Variants in SPOCK3 observed in about 807,000 individuals in gnomAD.
The protein encoded by SPOCK3 is SPARC (osteonectin), cwcv and kazal like domains proteoglycan 3, also known as testican-3.
Under a neutral mutation model 56.6 loss-of-function variants are expected in SPOCK3, and 30 were observed. The ratio of observed to expected loss-of-function variants is 0.53; its 90% CI spans 0.40 to 0.72. SPOCK3 has a LOEUF of 0.72. Ranked by LOEUF, SPOCK3 falls within the 30% of genes least tolerant of loss-of-function variation. The probability of loss-of-function intolerance (pLI) is 0.00; values close to 1 mark genes in which losing one functional copy is unlikely to be tolerated. For missense variants in SPOCK3, 527 were observed against 530.0 expected (o/e 0.99, Z 0.06); for synonymous variants, 196 against 183.3 (o/e 1.07, Z -0.56).
At chr4:167,194,177 T>G (rs922052028) in intron 2 of SPOCK3, among the ~76,000 whole-genome samples, 2 of 128,102 alleles carry the variant, frequency 1.6e-5, no homozygotes, top group Admixed American at 8.4e-5. Flanking sequence ...TTTGCATTAC[T>G]AAGGCAGGTT....
chr4:166,942,395 G>T (rs1741188598), intron 4 of SPOCK3, among the ~76,000 whole-genome samples: 1 of 150,212 alleles, frequency 6.7e-6, no homozygotes, highest in Non-Finnish European at 1.5e-5. Flanking sequence ...ATTTTTAGTA[G>T]AGACGGGGTT....
At chr4:166,895,260 C>T (rs554279401) in intron 5 of SPOCK3, among the ~76,000 whole-genome samples, 33 of 151,588 alleles carry the variant, frequency 2.2e-4, no homozygotes, top group African/African-American at 7.7e-4. Context: ...GTATATAATA[C>T]GAGATTTGCC....
chr4:167,122,427 G>T (rs1167666838), intron 2 of SPOCK3, among the ~76,000 whole-genome samples: 3 of 152,148 alleles, frequency 2.0e-5, no homozygotes, highest in Non-Finnish European at 4.4e-5. Context: ...ATTTTCAATT[G>T]TACATTTGTT....
chr4:167,025,978 A>G (rs1751664762), intron 3 of SPOCK3, among the ~76,000 whole-genome samples: 1 of 152,094 alleles, frequency 6.6e-6, no homozygotes, highest in African/African-American at 2.4e-5. Flanking sequence ...CTTGTAACAC[A>G]ATGGTAAGAA....
intron 6 of SPOCK3, among the ~76,000 whole-genome samples, chr4:166,825,585 A>G (rs1429900840): frequency 6.6e-6 from 1 of 152,104 alleles, no homozygotes; most frequent in East Asian, 1.9e-4. Flanking sequence ...ACACCTGCAC[A>G]TTCATGTTTA....
At chr4:166,750,167 T>C (rs972090878) in intron 8 of SPOCK3, among the ~76,000 whole-genome samples, 5 of 152,280 alleles carry the variant, frequency 3.3e-5, no homozygotes, top group South Asian at 2.1e-4. Context: ...TTTTAAACTA[T>C]TTTCTTATTA....
At chr4:167,205,152 T>TTA (rs560791073) in intron 2 of SPOCK3, among the ~76,000 whole-genome samples, 3,004 of 111,114 alleles carry the variant, frequency 0.027, 87 homozygotes, top group African/African-American at 0.037. Context: ...TATATATATT[T>TTA]TATATATATA....
intron 5 of SPOCK3, among the ~76,000 whole-genome samples, chr4:166,911,370 G>T (rs1053164557): frequency 2.0e-5 from 3 of 152,130 alleles, no homozygotes; most frequent in African/African-American, 7.2e-5. Context: ...TGATTCATAA[G>T]CAGGTATCCA....
At chr4:166,991,520 C>G (rs1376267574) in intron 4 of SPOCK3, among the ~76,000 whole-genome samples, 2 of 151,924 alleles carry the variant, frequency 1.3e-5, no homozygotes, top group African/African-American at 4.8e-5. Context: ...CAGGCATGCG[C>G]CACAACACCC....
At chr4:166,886,646 T>TA (rs1438235460) in intron 6 of SPOCK3, among the ~76,000 whole-genome samples, 1 of 152,174 alleles carries the variant, frequency 6.6e-6, no homozygotes, top group Non-Finnish European at 1.5e-5. Context: ...GATCTTAACA[T>TA]AGGAAAACAT....
chr4:167,216,938 C>T (rs1286802110), intron 2 of SPOCK3, among the ~76,000 whole-genome samples: 7 of 151,978 alleles, frequency 4.6e-5, no homozygotes, highest in Non-Finnish European at 1.0e-4. Flanking sequence ...ACACTCATAA[C>T]TGAATGACAA....
intron 2 of SPOCK3, among the ~76,000 whole-genome samples, chr4:167,165,551 G>A (rs1765686083): frequency 1.3e-5 from 2 of 151,994 alleles, no homozygotes; most frequent in South Asian, 4.1e-4. Context: ...TAAAAGTCAG[G>A]ATCACCAATT....
chr4:166,945,884 A>C (rs183334184), intron 4 of SPOCK3, among the ~76,000 whole-genome samples: 28 of 152,250 alleles, frequency 1.8e-4, no homozygotes, highest in Admixed American at 5.9e-4. Flanking sequence ...TCTCCACCTG[A>C]GGTGAAAACC....
At chr4:167,147,856 G>A (rs1764100281) in intron 2 of SPOCK3, among the ~76,000 whole-genome samples, 1 of 152,092 alleles carries the variant, frequency 6.6e-6, no homozygotes, top group Non-Finnish European at 1.5e-5. Context: ...AATATCTAAT[G>A]TAGGTGACGG....
chr4:166,837,781 T>A (rs1252728175), intron 6 of SPOCK3, among the ~76,000 whole-genome samples: 4 of 152,210 alleles, frequency 2.6e-5, no homozygotes, highest in Admixed American at 2.6e-4. Flanking sequence ...TCCTTTCTGA[T>A]GTTTCAATAT....
intron 6 of SPOCK3, among the ~76,000 whole-genome samples, chr4:166,856,638 G>T (rs1413045326): frequency 2.6e-5 from 4 of 151,966 alleles, no homozygotes; most frequent in Non-Finnish European, 5.9e-5. Flanking sequence ...GCAGGGTGTG[G>T]TGACATGTGC....
intron 2 of SPOCK3, among the ~76,000 whole-genome samples, chr4:167,128,658 A>G (rs1244519103): frequency 6.6e-6 from 1 of 152,248 alleles, no homozygotes; most frequent in Non-Finnish European, 1.5e-5. Context: ...GATGAGCTAA[A>G]CAAAAGGTCT....
chr4:166,820,943 T>C (rs544146330), intron 6 of SPOCK3, among the ~76,000 whole-genome samples: 17 of 152,074 alleles, frequency 1.1e-4, no homozygotes, highest in Middle Eastern at 3.4e-3. Context: ...AAATGAAAAA[T>C]TGACATACCT....
intron 6 of SPOCK3, among the ~76,000 whole-genome samples, chr4:166,850,684 C>T (rs367772181): frequency 9.8e-5 from 15 of 152,332 alleles, no homozygotes; most frequent in African/African-American, 2.4e-4. Context: ...AGTTCCCTTT[C>T]GTAGTCAAAG....
Sources: allele counts gnomAD v4.1 joint callset (sites outside exome capture counted in the v4.1 genomes callset), GRCh38; gene constraint gnomAD v4.1.1; transcripts MANE v1.5; gene names NCBI Gene and HGNC (gene_info 2026-07-23, HGNC 2026-07-21).